The following PLXNA2 variants were observed in gnomAD, a reference collection of about 807,000 sequenced individuals.
The protein encoded by PLXNA2 is plexin-A2.
In PLXNA2, 91 loss-of-function variants were observed where a neutral mutation model predicts 193.5. That is an observed-to-expected ratio of 0.47 (90% CI 0.40 to 0.56). The LOEUF (loss-of-function observed/expected upper bound fraction) is 0.56. PLXNA2 is among the 20% of genes least tolerant of loss of function. The probability of loss-of-function intolerance (pLI) is 0.00; values close to 1 mark genes in which losing one functional copy is unlikely to be tolerated. For synonymous variants in PLXNA2, 997 were observed against 1,027.3 expected (o/e 0.97, Z 0.56); for missense variants, 1,995 against 2,503.2 (o/e 0.80, Z 4.33).
intron 14 of PLXNA2, 52 bp downstream of exon 14, chr1:208,054,369 A>T (rs1571866609): frequency 1.6e-6 from 2 of 1,224,096 alleles, no homozygotes; most frequent in East Asian, 2.3e-5. Flanking sequence ...AGTCTGGAGC[A>T]TGTGTGTCTC....
chr1:208,224,567 A>G (rs1039936599), intron 1 of PLXNA2, among the ~76,000 whole-genome samples: 2 of 152,200 alleles, frequency 1.3e-5, no homozygotes, highest in Non-Finnish European at 2.9e-5. Flanking sequence ...TATGGAAAAT[A>G]GCGGGACCAA....
intron 3 of PLXNA2, among the ~76,000 whole-genome samples, chr1:208,179,705 G>C (rs913723375): frequency 6.6e-6 from 1 of 152,208 alleles, no homozygotes; most frequent in East Asian, 1.9e-4. Flanking sequence ...CTGTGTGAGT[G>C]TTAGGGTAGG....
In PLXNA2 at chr1:208,097,271, G is replaced by A. The variant is rs796101092; in HGVS notation, c.1732-388C>T. Among the ~76,000 whole-genome samples the A allele has an allele frequency of 3.9e-5, 6 of 152,316 alleles. 1 individual carries two copies. Among genetic ancestry groups the A allele is most frequent in the African/African-American group, 1.4e-4 (6 of 41,574 alleles). On this transcript the variant is annotated intron_variant, in intron 6 of 31. Transcript: ENST00000367033. Reference sequence around the variant, plus strand: ...CTGAGCCGAGCCCTTCACAGACAAGGCCTTAGCCATGGCTCATGGGAGTAA... The same window carrying A: ...CTGAGCCGAGCCCTTCACAGACAAGACCTTAGCCATGGCTCATGGGAGTAA...
intron 3 of PLXNA2, among the ~76,000 whole-genome samples, chr1:208,188,948 A>C (rs1431078747): frequency 2.0e-5 from 3 of 152,198 alleles, no homozygotes; most frequent in Non-Finnish European, 4.4e-5. Flanking sequence ...GGCTGGATGT[A>C]GTGCACCCAG....
chr1:208,192,756 G>A (rs1670222987), intron 3 of PLXNA2, among the ~76,000 whole-genome samples: 1 of 152,080 alleles, frequency 6.6e-6, no homozygotes, highest in Non-Finnish European at 1.5e-5. Context: ...GCATGGTGAT[G>A]CATGCCTGTA....
intron 4 of PLXNA2, among the ~76,000 whole-genome samples, chr1:208,135,344 C>T (rs1267551934): frequency 2.0e-5 from 3 of 152,214 alleles, no homozygotes; most frequent in Non-Finnish European, 4.4e-5. Context: ...TGAGGTCCCA[C>T]TCCCCCACAT....
chr1:208,115,960 A>C (rs1667626826), intron 4 of PLXNA2, among the ~76,000 whole-genome samples: 1 of 152,192 alleles, frequency 6.6e-6, no homozygotes, highest in Non-Finnish European at 1.5e-5. Flanking sequence ...TATAGTCCAA[A>C]CACCTCAGTG....
intron 11 of PLXNA2, among the ~76,000 whole-genome samples, chr1:208,081,318 A>G (rs909940212): frequency 6.6e-6 from 1 of 152,202 alleles, no homozygotes; most frequent in African/African-American, 2.4e-5. Flanking sequence ...CTACAGCCCT[A>G]AAGATGCTGA....
At chr1:208,237,063 G>A (rs1033426764) in intron 1 of PLXNA2, among the ~76,000 whole-genome samples, 1 of 152,188 alleles carries the variant, frequency 6.6e-6, no homozygotes, top group South Asian at 2.1e-4. Flanking sequence ...TTCTCCATTA[G>A]CATCCCTTAC....
At chr1:208,205,783 A>C (rs1043571525) in intron 3 of PLXNA2, among the ~76,000 whole-genome samples, 2 of 152,036 alleles carry the variant, frequency 1.3e-5, no homozygotes, top group Admixed American at 1.3e-4. Context: ...GCTGTAAAAA[A>C]CGTCTTCCTT....
chr1:208,093,535 A>C (rs995340673), intron 8 of PLXNA2, among the ~76,000 whole-genome samples: 2 of 152,228 alleles, frequency 1.3e-5, no homozygotes, highest in African/African-American at 4.8e-5. Context: ...ATGGTTTCGA[A>C]AAATGCCATG....
chr1:208,191,683 A>G (rs1378237011), intron 3 of PLXNA2, among the ~76,000 whole-genome samples: 1 of 152,238 alleles, frequency 6.6e-6, no homozygotes, highest in African/African-American at 2.4e-5. Context: ...ACAGATATTA[A>G]GGGAGAGAAT....
At position 208,042,208 on chromosome 1, in the gene PLXNA2, G is replaced by A. The variant is rs766501225; in HGVS notation, c.4176C>T (p.Thr1392=). The change falls in exon 22 of 32, where the codon ACC becomes ACT. Residue 1392 remains threonine, a synonymous_variant. Coordinates refer to ENST00000367033, the MANE Select transcript of PLXNA2 (RefSeq NM_025179.4). ...CATATTCCAGGCGGCCCTGCAGGCCGGTCATGATGAGCGAAGCCACGTTGC... is the reference window on the plus strand; with the variant it reads ...CATATTCCAGGCGGCCCTGCAGGCCAGTCATGATGAGCGAAGCCACGTTGC... ...DRGNVASLIM[T]GLQGRLEYAT... The A allele has an allele frequency of 3.1e-6, 5 of 1,614,102 alleles. No homozygotes were observed. The East Asian group carries it at 8.9e-5, about 29-fold the overall frequency.
chr1:208,030,160 G>C (rs1229921173), intron 29 of PLXNA2: 40 of 985,430 alleles, frequency 4.1e-5, no homozygotes, highest in Non-Finnish European at 4.7e-5. Flanking sequence ...TCTAGCCTGG[G>C]AGAAGCTGCT....
At chr1:208,108,597 G>A (rs1379495962) in intron 4 of PLXNA2, among the ~76,000 whole-genome samples, 1 of 152,212 alleles carries the variant, frequency 6.6e-6, no homozygotes, top group East Asian at 1.9e-4. Flanking sequence ...AACGCCTGAG[G>A]TGAAAGCAGA....
chr1:208,096,914 G>C (rs1366857935), intron 6 of PLXNA2, 31 bp from the exon 7 acceptor site: 1 of 1,599,334 alleles, frequency 6.3e-7, no homozygotes, highest in African/African-American at 1.3e-5. Flanking sequence ...TGATGCCAAA[G>C]AAATGCCTCA....
In PLXNA2 at chr1:208,042,367, C is replaced by T; in HGVS notation, c.4018-1G>A. 6.2e-7 allele frequency: 1 copy of T among 1,612,470 alleles called. No individual in the cohort carries two copies. Among genetic ancestry groups the T allele is most frequent in the Non-Finnish European group, 8.5e-7 (1 of 1,178,808 alleles). ...CGTGCTGCTGCCCGTTTCCTTGTAC[C>T]TGGGGTGGGGTGTGGTGGAGGCGAC... On this transcript the variant is annotated splice_acceptor_variant, in intron 21 of 31. Transcript: ENST00000367033. LOFTEE classifies it high-confidence loss of function.
intron 1 of PLXNA2, among the ~76,000 whole-genome samples, chr1:208,223,259 A>T (rs1342229225): frequency 1.3e-5 from 2 of 150,640 alleles, no homozygotes; most frequent in Non-Finnish European, 3.0e-5. Context: ...TATGAAAGAC[A>T]CCACAGCCCA....
chr1:208,131,448 T>G (rs184186738), intron 4 of PLXNA2, among the ~76,000 whole-genome samples: 9 of 152,288 alleles, frequency 5.9e-5, no homozygotes, highest in African/African-American at 2.2e-4. Context: ...ATGGTCTAAA[T>G]AAAACACATT....
Sources: allele counts gnomAD v4.1 joint callset (sites outside exome capture counted in the v4.1 genomes callset), GRCh38; gene constraint gnomAD v4.1.1; transcripts MANE v1.5; gene names NCBI Gene and HGNC (gene_info 2026-07-23, HGNC 2026-07-21).